CTNNA2: variants seen among roughly 807,000 people sequenced by gnomAD.
The protein encoded by CTNNA2 is catenin alpha 2.
Under a neutral mutation model 101.0 loss-of-function variants are expected in CTNNA2, and 42 were observed. The ratio of observed to expected loss-of-function variants is 0.42; its 90% confidence interval spans 0.32 to 0.54. The LOEUF (loss-of-function observed/expected upper bound fraction) is 0.54. Among genes scored for constraint, CTNNA2 ranks in the 20% least tolerant of loss-of-function variants. CTNNA2 has a pLI of 0.14. For missense variants in CTNNA2, 871 were observed against 1,223.1 expected (o/e 0.71, Z 4.29); for synonymous variants, 450 against 456.4 (o/e 0.99, Z 0.18).
intron 7 of CTNNA2, among the ~76,000 whole-genome samples, chr2:80,000,451 C>A (rs1345271473): frequency 6.6e-6 from 1 of 152,154 alleles, no homozygotes; most frequent in African/African-American, 2.4e-5. Context: ...CTGCAGAAAT[C>A]TACAGTTAGT....
At chr2:80,643,225 G>A (rs1673680501) in intron 18 of CTNNA2, among the ~76,000 whole-genome samples, 2 of 152,128 alleles carry the variant, frequency 1.3e-5, no homozygotes, top group South Asian at 2.1e-4. Context: ...CATCTGCTCT[G>A]GATGGCTCTG....
At chr2:79,841,101 T>C (rs72916661) in intron 3 of CTNNA2, among the ~76,000 whole-genome samples, 3,262 of 152,224 alleles carry the variant, frequency 0.021, 148 homozygotes, top group African/African-American at 0.074. Flanking sequence ...TATCTATGCA[T>C]GTAAGCATGT....
chr2:79,244,185 C>A (rs1170498678), intron 2 of CTNNA2, among the ~76,000 whole-genome samples: 1 of 152,096 alleles, frequency 6.6e-6, no homozygotes, highest in Non-Finnish European at 1.5e-5. Context: ...TGAATTGTTT[C>A]CATGTAAGTT....
At chr2:79,230,460 G>A (rs895382200) in intron 2 of CTNNA2, among the ~76,000 whole-genome samples, 1 of 152,206 alleles carries the variant, frequency 6.6e-6, no homozygotes, top group Non-Finnish European at 1.5e-5. Flanking sequence ...CTGAGGTTTG[G>A]GAACCTCCAC....
chr2:80,595,901 A>C (rs1696907380), intron 15 of CTNNA2, among the ~76,000 whole-genome samples: 1 of 152,170 alleles, frequency 6.6e-6, no homozygotes, highest in South Asian at 2.1e-4. Flanking sequence ...TCTGTGAAGA[A>C]AGTCAATGGA....
chr2:80,561,641 C>A lies in CTNNA2; in HGVS notation c.1741+5748C>A, dbSNP rs1693602365. On this transcript the variant is annotated intron_variant, in intron 12 of 18. Transcript: ENST00000402739. Reference sequence around the variant, plus strand: ...AGCTTATTTAGAAATTGGTGCTCCTCCTGAGGGCAGGAAAGAAACACTTCC... The same window carrying A: ...AGCTTATTTAGAAATTGGTGCTCCTACTGAGGGCAGGAAAGAAACACTTCC... Among the ~76,000 whole-genome samples, 3 of 152,134 alleles carry A rather than the reference C, an allele frequency of 2.0e-5. No homozygotes were observed. The South Asian group carries it at 6.2e-4, about 32-fold the overall frequency.
chr2:79,762,706 A>G (rs10176202), intron 3 of CTNNA2, among the ~76,000 whole-genome samples: 38,645 of 152,072 alleles, frequency 0.25, 5,456 homozygotes, highest in African/African-American at 0.38. Context: ...GAATATAATC[A>G]ATTAAAAAAT....
intron 7 of CTNNA2, among the ~76,000 whole-genome samples, chr2:80,178,589 G>T (rs1026139356): frequency 6.6e-6 from 1 of 152,202 alleles, no homozygotes; most frequent in Admixed American, 6.5e-5. Flanking sequence ...TTGCACAGCA[G>T]TGTGGACCTG....
intron 7 of CTNNA2, among the ~76,000 whole-genome samples, chr2:80,012,706 T>A (rs372241171): frequency 6.6e-6 from 1 of 152,188 alleles, no homozygotes; most frequent in East Asian, 1.9e-4. Flanking sequence ...TTTTTGTCGA[T>A]TCCTCTTCTA....
intron 2 of CTNNA2, among the ~76,000 whole-genome samples, chr2:79,254,586 C>A (rs10165219): frequency 0.4 from 60,763 of 151,994 alleles, 13,640 homozygotes; most frequent in Non-Finnish European, 0.5. Context: ...ATATAGCCTG[C>A]AGAACTGTGA....
intron 7 of CTNNA2, among the ~76,000 whole-genome samples, chr2:80,300,070 G>A (rs892050244): frequency 1.3e-5 from 2 of 152,112 alleles, no homozygotes; most frequent in Non-Finnish European, 2.9e-5. Context: ...CCTGCTCTTG[G>A]AGTGGTATGC....
At chr2:79,430,356 A>G (rs1347920135) in intron 4 of CTNNA2, among the ~76,000 whole-genome samples, 1 of 152,152 alleles carries the variant, frequency 6.6e-6, no homozygotes, top group Non-Finnish European at 1.5e-5. Context: ...TCATTTTTCT[A>G]GGGTTGGTAA....
chr2:79,400,590 T>A (rs1192781042), intron 4 of CTNNA2, among the ~76,000 whole-genome samples: 1 of 151,806 alleles, frequency 6.6e-6, no homozygotes, highest in Non-Finnish European at 1.5e-5. Flanking sequence ...ATTGAGAGTA[T>A]CCAGTCTGAA....
chr2:80,570,802 A>G (rs903936642), intron 12 of CTNNA2, among the ~76,000 whole-genome samples: 6 of 152,258 alleles, frequency 3.9e-5, no homozygotes, highest in South Asian at 2.1e-4. Flanking sequence ...CCCCAGGTCA[A>G]TAACACTGTT....
intron 12 of CTNNA2, among the ~76,000 whole-genome samples, chr2:80,558,725 G>A (rs947958174): frequency 6.6e-6 from 1 of 152,000 alleles, no homozygotes; most frequent in African/African-American, 2.4e-5. Context: ...GGTGAGAGAG[G>A]GTGGTAGTGG....
chr2:80,258,707 A>G (rs750743256), intron 7 of CTNNA2, among the ~76,000 whole-genome samples: 87 of 152,298 alleles, frequency 5.7e-4, no homozygotes, highest in Admixed American at 2.3e-3. Context: ...ACAGGCATCA[A>G]AACCATAACC....
intron 3 of CTNNA2, among the ~76,000 whole-genome samples, chr2:79,314,104 C>T (rs891267914): frequency 6.6e-6 from 1 of 152,154 alleles, no homozygotes; most frequent in Non-Finnish European, 1.5e-5. Context: ...TTCTAGAGGT[C>T]TTTCCTTCTG....
At chr2:79,867,885 A>G (rs1220469167) in intron 4 of CTNNA2, among the ~76,000 whole-genome samples, 3 of 152,214 alleles carry the variant, frequency 2.0e-5, no homozygotes, top group Non-Finnish European at 2.9e-5. Flanking sequence ...CAGCAGGAAC[A>G]AATTAGCTGC....
intron 12 of CTNNA2, among the ~76,000 whole-genome samples, chr2:80,556,861 G>A (rs566997719): frequency 3.9e-5 from 6 of 152,260 alleles, no homozygotes; most frequent in African/African-American, 1.2e-4. Flanking sequence ...ACCCTAAGGG[G>A]GACCTTCATA....
Sources: allele counts gnomAD v4.1 joint callset (sites outside exome capture counted in the v4.1 genomes callset), GRCh38; gene constraint gnomAD v4.1.1; transcripts MANE v1.5; gene names NCBI Gene and HGNC (gene_info 2026-07-23, HGNC 2026-07-21).